The following POU6F2 variants were observed in gnomAD, a reference collection of about 807,000 sequenced individuals.
POU6F2 encodes the protein POU class 6 homeobox 2.
Under a neutral mutation model 71.3 loss-of-function variants are expected in POU6F2, and 31 were observed. The ratio of observed to expected loss-of-function variants is 0.43; its 90% CI spans 0.33 to 0.59. The LOEUF is 0.59. Ranked by LOEUF, POU6F2 falls within the 20% of genes least tolerant of loss-of-function variation. The probability of loss-of-function intolerance (pLI) is 0.04; values close to 1 mark genes in which losing one functional copy is unlikely to be tolerated. For missense variants in POU6F2, 783 were observed against 856.8 expected, an observed-to-expected ratio of 0.91 and a Z score of 1.07; for synonymous variants, 347 against 355.7, an observed-to-expected ratio of 0.98 and a Z score of 0.27.
intron 6 of POU6F2, among the ~76,000 whole-genome samples, chr7:39,423,732 C>G (rs941290883): frequency 2.0e-5 from 3 of 152,148 alleles, no homozygotes; most frequent in African/African-American, 7.2e-5. Context: ...AGGCATGAAA[C>G]AAAATGGCAA....
At chr7:39,299,910 C>T (rs1394514049) in intron 4 of POU6F2, among the ~76,000 whole-genome samples, 1 of 152,172 alleles carries the variant, frequency 6.6e-6, no homozygotes, top group Non-Finnish European at 1.5e-5. Flanking sequence ...CTTTTTGCTG[C>T]CAAACAGCCA....
At chr7:39,279,904 G>A (rs1330675824) in intron 4 of POU6F2, among the ~76,000 whole-genome samples, 7 of 152,110 alleles carry the variant, frequency 4.6e-5, no homozygotes, top group South Asian at 2.1e-4. Flanking sequence ...CTGCCACTAC[G>A]CCCAGATAAG....
chr7:39,277,222 A>G (rs1351035414), intron 4 of POU6F2, among the ~76,000 whole-genome samples: 7 of 152,332 alleles, frequency 4.6e-5, no homozygotes, highest in Non-Finnish European at 2.9e-5. Flanking sequence ...ATAAATCAAT[A>G]TAATCAGAAA....
At chr7:39,419,624 A>T (rs1286493928) in intron 6 of POU6F2, among the ~76,000 whole-genome samples, 1 of 152,172 alleles carries the variant, frequency 6.6e-6, no homozygotes, top group African/African-American at 2.4e-5. Context: ...TCTCATGAAA[A>T]TGGCAATTGT....
rs563822487 is a variant in POU6F2 at position 39,248,101 on chromosome 7, G to A, written c.598+40481G>A. On this transcript the variant is annotated intron_variant, in intron 4 of 9. Transcript: ENST00000518318. ...TCCCAGTAACTGTTCTCTTTTCCAG[G>A]AAAAAAAAAAGAAAGAAAGCACAGT... 5.3e-3 allele frequency among the ~76,000 whole-genome samples: 781 copies of A among 147,266 alleles called. 3 individuals carry two copies. Among genetic ancestry groups the A allele is most frequent in the Admixed American group, 8.8e-3 (131 of 14,810 alleles).
At chr7:39,394,478 G>A (rs755134728) in intron 5 of POU6F2, among the ~76,000 whole-genome samples, 1 of 152,108 alleles carries the variant, frequency 6.6e-6, no homozygotes, top group African/African-American at 2.4e-5. Context: ...CAGGGGAAAC[G>A]CTCTGTGGGC....
intron 2 of POU6F2, among the ~76,000 whole-genome samples, chr7:39,189,394 G>GTTTGTTTT (rs1228524460): frequency 6.6e-6 from 1 of 152,014 alleles, no homozygotes; most frequent in Non-Finnish European, 1.5e-5. Context: ...TTGTTTGTTT[G>GTTTGTTTT]TTTGAGACGG....
chr7:39,213,133 A>G (rs1156770625), intron 4 of POU6F2, among the ~76,000 whole-genome samples: 1 of 152,254 alleles, frequency 6.6e-6, no homozygotes, highest in Non-Finnish European at 1.5e-5. Flanking sequence ...CATTCCAGTT[A>G]AGTCAAGCAT....
intron 1 of POU6F2, among the ~76,000 whole-genome samples, chr7:39,057,306 A>AT (rs1562688897): frequency 6.6e-6 from 1 of 152,160 alleles, no homozygotes; most frequent in Admixed American, 6.5e-5. Context: ...AACAATTTTT[A>AT]AAAAAATTCT....
At chr7:39,214,449 T>A (rs2128747271) in intron 4 of POU6F2, among the ~76,000 whole-genome samples, 1 of 152,330 alleles carries the variant, frequency 6.6e-6, no homozygotes, top group African/African-American at 2.4e-5. Context: ...TTATTTGGCC[T>A]TTCTGAGCAT....
intron 1 of POU6F2, chr7:39,083,891 A>G (rs1791181100): frequency 2.0e-5 from 3 of 152,056 alleles, no homozygotes; most frequent in Non-Finnish European, 4.4e-5. Flanking sequence ...AGAGAGTAGT[A>G]TTTTATTTAG....
chr7:39,441,608 G>C (rs1437728466), intron 7 of POU6F2, among the ~76,000 whole-genome samples: 4 of 152,188 alleles, frequency 2.6e-5, no homozygotes, highest in Non-Finnish European at 5.9e-5. Context: ...TAGCATCCAA[G>C]TATTTCAAAA....
chr7:39,136,642 A>G (rs1792394119), intron 2 of POU6F2, among the ~76,000 whole-genome samples: 1 of 152,070 alleles, frequency 6.6e-6, no homozygotes, highest in Non-Finnish European at 1.5e-5. Flanking sequence ...TTTTTGTCTC[A>G]ATGATTGTTC....
At chr7:39,340,499 T>A (rs11976849) in intron 5 of POU6F2, among the ~76,000 whole-genome samples, 1,727 of 152,294 alleles carry the variant, frequency 0.011, 45 homozygotes, top group African/African-American at 0.039. Flanking sequence ...TTCTAAAGAC[T>A]CTCTGGGGTT....
chr7:39,252,395 G>GACAC (rs1197228715), intron 4 of POU6F2, among the ~76,000 whole-genome samples: 7 of 84,858 alleles, frequency 8.2e-5, no homozygotes, highest in African/African-American at 1.7e-4. Flanking sequence ...CAGACAGACA[G>GACAC]ACAGACACAC....
At chr7:39,157,232 T>C (rs1792889461) in intron 2 of POU6F2, among the ~76,000 whole-genome samples, 1 of 152,196 alleles carries the variant, frequency 6.6e-6, no homozygotes, top group South Asian at 2.1e-4. Flanking sequence ...GAGATGCTTA[T>C]TGTTAATGTC....
Position 39,015,963 on chromosome 7 carries a change from TTGA to T in POU6F2, c.105+37907_105+37909del, listed in dbSNP as rs1219735582. On this transcript the variant is annotated intron_variant, in intron 1 of 9. Transcript: ENST00000518318. ...ATAGATATATATTATATATTGTATATTGATATATATTATATATAGATATATATA... is the reference window on the plus strand; with the variant it reads ...ATAGATATATATTATATATTGTATATTATATATTATATATAGATATATATA... 1.4e-3 allele frequency among the ~76,000 whole-genome samples: 110 copies of T among 80,932 alleles called. 2 individuals are homozygous for T. The highest frequency in any genetic ancestry group is 3.7e-3 in the African/African-American group (68 of 18,584). 53.1% of individuals were successfully genotyped at this position (80,932 alleles called of 152,430 possible).
At chr7:39,318,741 C>A (rs901319984) in intron 4 of POU6F2, among the ~76,000 whole-genome samples, 1 of 152,168 alleles carries the variant, frequency 6.6e-6, no homozygotes, top group Non-Finnish European at 1.5e-5. Flanking sequence ...TCCCTTACCC[C>A]CAAATGACGA....
chr7:39,013,531 T>C (rs62443625), intron 1 of POU6F2: 26,950 of 153,970 alleles, frequency 0.18, 2,683 homozygotes, highest in Non-Finnish European at 0.23. Context: ...GCTGTTCCTA[T>C]GCGGCCATCT....
Sources: gnomAD v4.1 joint callset for allele counts (sites outside exome capture counted in the v4.1 genomes callset) on GRCh38, gnomAD v4.1.1 for gene constraint, MANE v1.5 for transcripts, NCBI Gene and HGNC (gene_info 2026-07-23, HGNC 2026-07-21) for gene names.